Variants in HIP1 observed in about 807,000 individuals in gnomAD.
HIP1 encodes the protein huntingtin-interacting protein 1.
HIP1 carries 65 observed loss-of-function variants against 147.6 expected under a neutral mutation model. That is an observed-to-expected ratio of 0.44 (90% CI 0.36 to 0.54). The LOEUF is 0.54. Ranked by LOEUF, HIP1 falls within the 20% of genes least tolerant of loss-of-function variation. The pLI is 0.00. For synonymous variants in HIP1, 479 were observed against 504.0 expected (o/e 0.95, Z 0.67); for missense variants, 1,061 against 1,299.6 (o/e 0.82, Z 2.82).
chr7:75,712,223 A>G (rs912409903), intron 1 of HIP1, among the ~76,000 whole-genome samples: 2 of 152,170 alleles, frequency 1.3e-5, no homozygotes, highest in African/African-American at 4.8e-5. Context: ...CTGTTCAGAC[A>G]TAACATCATC....
intron 1 of HIP1, among the ~76,000 whole-genome samples, chr7:75,618,587 G>C (rs1797744027): frequency 6.6e-6 from 1 of 152,096 alleles, no homozygotes. Context: ...GCACCCAGCT[G>C]TTTCCCCAGC....
chr7:75,699,793 C>T (rs1454250322), intron 1 of HIP1, among the ~76,000 whole-genome samples: 2 of 152,138 alleles, frequency 1.3e-5, no homozygotes, highest in South Asian at 2.1e-4. Context: ...TTCTCTTTTC[C>T]GTGGTTGTCA....
rs374336891 is a variant in HIP1 at position 75,567,168 on chromosome 7, T to A, written c.803+1031A>T. Among the ~76,000 whole-genome samples the A allele has an allele frequency of 2.3e-4, 34 of 150,968 alleles. 3 individuals carry two copies. Among genetic ancestry groups the A allele is most frequent in the African/African-American group, 7.6e-4 (31 of 40,524 alleles). ...CAGAATGGAGAGAGAAAGGTTTTTTTTTGTTTTTTTTTTTTGAGAAAACCT... is the reference window on the plus strand; with the variant it reads ...CAGAATGGAGAGAGAAAGGTTTTTTATTGTTTTTTTTTTTTGAGAAAACCT... On this transcript the variant is annotated intron_variant, in intron 9 of 30. Transcript: ENST00000336926.
chr7:75,620,617 C>A (rs1268097452), intron 1 of HIP1, among the ~76,000 whole-genome samples: 1 of 152,014 alleles, frequency 6.6e-6, no homozygotes, highest in African/African-American at 2.4e-5. Context: ...GCCTGGGAGG[C>A]AGAGGTTGCA....
chr7:75,570,310 G>A (rs1200067411), intron 8 of HIP1, among the ~76,000 whole-genome samples: 1 of 132,056 alleles, frequency 7.6e-6, no homozygotes, highest in Non-Finnish European at 1.6e-5. Context: ...TTTTTTTTTC[G>A]AGACGATGTC....
At chr7:75,688,339 T>G (rs1369365350) in intron 1 of HIP1, among the ~76,000 whole-genome samples, 1 of 151,038 alleles carries the variant, frequency 6.6e-6, no homozygotes, top group Non-Finnish European at 1.5e-5. Flanking sequence ...CAGAAGTCCC[T>G]CAGCCCTACA....
At chr7:75,718,963 G>C (rs1342143362) in intron 1 of HIP1, among the ~76,000 whole-genome samples, 1 of 152,058 alleles carries the variant, frequency 6.6e-6, no homozygotes, top group African/African-American at 2.4e-5. Context: ...GATAAACCCG[G>C]AGACAAGGAT....
chr7:75,717,988 A>C (rs1205453933), intron 1 of HIP1, among the ~76,000 whole-genome samples: 1 of 151,634 alleles, frequency 6.6e-6, no homozygotes. Flanking sequence ...AAAAAAAAAA[A>C]AGAATTAGCT....
At chr7:75,562,405 C>G (rs1229360476) in intron 11 of HIP1, among the ~76,000 whole-genome samples, 2 of 152,204 alleles carry the variant, frequency 1.3e-5, no homozygotes, top group Non-Finnish European at 2.9e-5. Flanking sequence ...CCTCCTGTTT[C>G]AGCCTCCTGA....
rs1010757044 is a variant in HIP1 at position 75,629,380 on chromosome 7, C to T, written c.121-30133G>A. 2.0e-5 allele frequency among the ~76,000 whole-genome samples: 3 copies of T among 152,254 alleles called. No homozygotes were observed. In the East Asian group the frequency reaches 5.8e-4, roughly 29 times the overall value. On this transcript the variant is annotated intron_variant, in intron 1 of 30. Transcript: ENST00000336926. ...CTCCTCCTCTCCATTCCTCTGGCCC[C>T]GCTCCTAACAAACCTACTCAACATT...
At chr7:75,714,153 C>T (rs1416911963) in intron 1 of HIP1, among the ~76,000 whole-genome samples, 3 of 151,690 alleles carry the variant, frequency 2.0e-5, no homozygotes, top group Non-Finnish European at 4.4e-5. Context: ...GATTCTCCTG[C>T]CTCAGCCTCC....
At chr7:75,611,515 T>C (rs1666539312) in intron 1 of HIP1, among the ~76,000 whole-genome samples, 1 of 149,564 alleles carries the variant, frequency 6.7e-6, no homozygotes, top group African/African-American at 2.5e-5. Context: ...TGATTCACAG[T>C]CTCTTGAGAA....
intron 1 of HIP1, among the ~76,000 whole-genome samples, chr7:75,620,385 TTAA>T (rs781788307): frequency 5.0e-4 from 66 of 133,076 alleles, no homozygotes; most frequent in East Asian, 8.8e-4. Context: ...GACCATGTCT[TTAA>T]AAAAAAAAAA....
chr7:75,625,646 G>A (rs898878693), intron 1 of HIP1: 2 of 152,208 alleles, frequency 1.3e-5, no homozygotes, highest in Non-Finnish European at 2.9e-5. Flanking sequence ...CAGAGATGGG[G>A]CGCTATAGTT....
intron 1 of HIP1, chr7:75,639,078 T>G (rs892800088): frequency 6.1e-6 from 6 of 984,610 alleles, no homozygotes; most frequent in Non-Finnish European, 7.2e-6. Flanking sequence ...TGACCGAGGC[T>G]GCGGGGCACC....
chr7:75,717,674 T>C lies in HIP1; in HGVS notation c.120+21127A>G, dbSNP rs28549365. On this transcript the variant is annotated intron_variant, in intron 1 of 30. Coordinates refer to ENST00000336926, the MANE Select transcript of HIP1 (RefSeq NM_005338.7). Reference sequence around the variant, plus strand: ...TGGTGAAACCTGTCTCTACTAAAAATACAAAAAAAAAAAAGACCAGGCGCG... The same window carrying C: ...TGGTGAAACCTGTCTCTACTAAAAACACAAAAAAAAAAAAGACCAGGCGCG... Among the ~76,000 whole-genome samples, 42 of 36,894 alleles carry C rather than the reference T, an allele frequency of 1.1e-3. 1 individual carries two copies. Among genetic ancestry groups the C allele is most frequent in the Admixed American group, 2.3e-3 (8 of 3,434 alleles). The allele number at this position is 36,894 out of a possible 152,430, so 24.2% of individuals were successfully genotyped here.
chr7:75,593,629 C>CAAAAAA (rs34062007), intron 2 of HIP1, among the ~76,000 whole-genome samples: 41 of 72,242 alleles, frequency 5.7e-4, no homozygotes, highest in Non-Finnish European at 9.2e-4. Flanking sequence ...GACTCCATCT[C>CAAAAAA]AAAAAAAAAA....
chr7:75,613,770 G>T (rs1797529363), intron 1 of HIP1, among the ~76,000 whole-genome samples: 1 of 152,214 alleles, frequency 6.6e-6, no homozygotes, highest in African/African-American at 2.4e-5. Flanking sequence ...CTGTTGCCCA[G>T]GCTGGAGTAC....
At chr7:75,685,132 T>C (rs782493231) in intron 1 of HIP1, among the ~76,000 whole-genome samples, 36 of 151,744 alleles carry the variant, frequency 2.4e-4, no homozygotes, top group Non-Finnish European at 4.7e-4. Context: ...AAAATAAAAA[T>C]ATATTTCCAG....
Sources: gnomAD v4.1 joint callset for allele counts (sites outside exome capture counted in the v4.1 genomes callset) on GRCh38, gnomAD v4.1.1 for gene constraint, MANE v1.5 for transcripts, NCBI Gene and HGNC (gene_info 2026-07-23, HGNC 2026-07-21) for gene names.